The following TBL1X variants were observed in gnomAD, a reference collection of about 807,000 sequenced individuals.
The protein encoded by TBL1X is F-box-like/WD repeat-containing protein TBL1X.
In TBL1X, 10 loss-of-function variants were observed where a neutral mutation model predicts 50.7. The observed-to-expected ratio is 0.20, with a 90% CI of 0.12 to 0.33. The LOEUF is 0.33. TBL1X is among the 10% of genes least tolerant of loss of function. The pLI is 1.00. For missense variants in TBL1X, 340 were observed against 504.4 expected (o/e 0.67, Z 3.12); for synonymous variants, 190 against 214.7 (o/e 0.88, Z 1.01).
intron 9 of TBL1X, among the ~76,000 whole-genome samples, chrX:9,692,495 C>T (rs938796550): frequency 8.9e-6 from 1 of 112,247 alleles, no homozygotes; most frequent in Non-Finnish European, 1.9e-5. Context: ...GCAACTTCTG[C>T]CTCCTGGGTT....
At chrX:9,550,251 A>G (rs1183141414) in intron 2 of TBL1X, among the ~76,000 whole-genome samples, 1 of 111,916 alleles carries the variant, frequency 8.9e-6, no homozygotes, top group Non-Finnish European at 1.9e-5. Flanking sequence ...AAGCAGGGAA[A>G]TCCTTCTTGG....
chrX:9,645,257 G>A (rs1169537747), intron 3 of TBL1X: 3 of 111,564 alleles, frequency 2.7e-5, no homozygotes, highest in Non-Finnish European at 3.8e-5. Flanking sequence ...TCCACACCTA[G>A]CTAATTTTTG....
At position 9,528,773 on chromosome X, in the gene TBL1X, T is replaced by G. The variant is rs984250179; in HGVS notation, c.-131+26924T>G. 2.6e-4 allele frequency among the ~76,000 whole-genome samples: 28 copies of G among 109,632 alleles called. 2 individuals are homozygous for G. The highest frequency in any genetic ancestry group is 3.4e-4 in the Non-Finnish European group (18 of 52,522). On this transcript the variant is annotated intron_variant, in intron 2 of 17. Coordinates refer to ENST00000645353, the MANE Select transcript of TBL1X (RefSeq NM_005647.4). ...TGGACTGGGGCGGGGTCACAGAGTC[T>G]TTAGCTGAACCCATGGGTGCTCTGG... is the stretch of plus-strand genomic sequence containing the variant.
At position 9,662,317 on chromosome X, in the gene TBL1X, A is replaced by G. The variant is rs1382065485; in HGVS notation, c.211+7995A>G. On this transcript the variant is annotated intron_variant, in intron 5 of 17. Coordinates refer to ENST00000645353, the MANE Select transcript of TBL1X (RefSeq NM_005647.4). ...CTCAGCGGAAGCAACCCAGATGTCC[A>G]TTGACAGAGGAAATTCCATCAACAG... Among the ~76,000 whole-genome samples, 4 of 111,889 alleles carry G rather than the reference A, an allele frequency of 3.6e-5. No individual in the cohort carries two copies. The East Asian group carries it at 1.1e-3, about 31-fold the overall frequency.
In TBL1X at chrX:9,515,672, C is replaced by T. The variant is rs148446369; in HGVS notation, c.-131+13823C>T. On this transcript the variant is annotated intron_variant, in intron 2 of 17. Transcript: ENST00000645353. ...AGAAGCCTGCGTGACTTGTAGAAAC[C>T]GAAGCCAGGCTCGTTTACTGCCTTG... 5.2e-3 allele frequency among the ~76,000 whole-genome samples: 586 copies of T among 112,106 alleles called. 10 individuals carry two copies. Among genetic ancestry groups the T allele is most frequent in the African/African-American group, 0.018 (560 of 30,875 alleles).
intron 2 of TBL1X, among the ~76,000 whole-genome samples, chrX:9,578,236 CT>C (rs2082422631): frequency 9.0e-6 from 1 of 110,860 alleles, no homozygotes; most frequent in Non-Finnish European, 1.9e-5. Context: ...AAATTCTTAA[CT>C]TTTTTTTTCC....
chrX:9,502,855 A>G (rs1015888964), intron 2 of TBL1X, among the ~76,000 whole-genome samples: 6 of 112,463 alleles, frequency 5.3e-5, no homozygotes, highest in Non-Finnish European at 1.1e-4. Context: ...GGAAGGAAGC[A>G]GAGAACATCC....
intron 5 of TBL1X, among the ~76,000 whole-genome samples, chrX:9,673,068 C>G (rs5979151): frequency 0.028 from 3,101 of 111,736 alleles, 116 homozygotes; most frequent in African/African-American, 0.097. Flanking sequence ...GACACTCATC[C>G]CATTCATGAG....
chrX:9,531,354 GGTGTGTGTGT>G (rs57905343), intron 2 of TBL1X, among the ~76,000 whole-genome samples: 148 of 75,209 alleles, frequency 2.0e-3, no homozygotes, highest in African/African-American at 6.3e-3. Context: ...GAACCTGGAG[GGTGTGTGTGT>G]GTGTGTGTGT....
chrX:9,500,905 G>C (rs1307626222), intron 1 of TBL1X, among the ~76,000 whole-genome samples: 1 of 112,006 alleles, frequency 8.9e-6, no homozygotes, highest in Non-Finnish European at 1.9e-5. Flanking sequence ...GTTAAGGAGT[G>C]CTACTGTCAT....
chrX:9,707,807 G>A (rs1413673163), intron 13 of TBL1X, among the ~76,000 whole-genome samples: 1 of 111,792 alleles, frequency 8.9e-6, no homozygotes, highest in African/African-American at 3.3e-5. Context: ...CCACCCTCCC[G>A]GGCTCTCGCA....
chrX:9,556,872 C>T (rs1398440665), intron 2 of TBL1X, among the ~76,000 whole-genome samples: 1 of 109,939 alleles, frequency 9.1e-6, no homozygotes, highest in Non-Finnish European at 1.9e-5. Flanking sequence ...CTCATGGCCC[C>T]TTCCTCCATC....
chrX:9,478,620 T>TG (rs1181705275), intron 1 of TBL1X, among the ~76,000 whole-genome samples: 6 of 111,583 alleles, frequency 5.4e-5, no homozygotes, highest in Non-Finnish European at 1.1e-4. Flanking sequence ...GCCATCAGGA[T>TG]GGGGGAGGAG....
chrX:9,492,890 T>TGG (rs1569206193), intron 1 of TBL1X, among the ~76,000 whole-genome samples: 2 of 21,220 alleles, frequency 9.4e-5, no homozygotes, highest in East Asian at 2.1e-3. Flanking sequence ...TGTGTGTGTG[T>TGG]GTGTGTGTAG....
intron 2 of TBL1X, among the ~76,000 whole-genome samples, chrX:9,634,284 C>T (rs891257616): frequency 9.0e-6 from 1 of 110,849 alleles, no homozygotes; most frequent in African/African-American, 3.3e-5. Flanking sequence ...CATGGAGCTG[C>T]ATGTCAGTGT....
At chrX:9,488,751 C>T (rs953429458) in intron 1 of TBL1X, among the ~76,000 whole-genome samples, 3 of 111,130 alleles carry the variant, frequency 2.7e-5, no homozygotes, top group East Asian at 2.8e-4. Flanking sequence ...GATTCATAGG[C>T]TTATGTAACG....
At chrX:9,527,800 C>CT (rs1415510471) in intron 2 of TBL1X, among the ~76,000 whole-genome samples, 2 of 110,433 alleles carry the variant, frequency 1.8e-5, no homozygotes, top group Non-Finnish European at 3.8e-5. Flanking sequence ...AACTCCCAAA[C>CT]TTTTTCTTTT....
At chrX:9,625,812 G>A (rs1157617052) in intron 2 of TBL1X, among the ~76,000 whole-genome samples, 4 of 112,001 alleles carry the variant, frequency 3.6e-5, no homozygotes, top group African/African-American at 1.3e-4. Context: ...GGTGGCAGGC[G>A]CCTGTAATCC....
chrX:9,632,453 T>C (rs1569081626), intron 2 of TBL1X, among the ~76,000 whole-genome samples: 1 of 111,043 alleles, frequency 9.0e-6, no homozygotes, highest in Non-Finnish European at 1.9e-5. Flanking sequence ...GCTAACTTTT[T>C]TGTATTTTTA....
Sources: gnomAD v4.1 joint callset for allele counts (sites outside exome capture counted in the v4.1 genomes callset) on GRCh38, gnomAD v4.1.1 for gene constraint, MANE v1.5 for transcripts, NCBI Gene and HGNC (gene_info 2026-07-23, HGNC 2026-07-21) for gene names.